The following ROBO2 variants were observed in gnomAD, a reference collection of about 807,000 sequenced individuals.
ROBO2 encodes roundabout guidance receptor 2.
In ROBO2, 53 loss-of-function variants were observed where a neutral mutation model predicts 160.8. That is an observed-to-expected ratio of 0.33 (90% CI 0.26 to 0.41). The LOEUF (loss-of-function observed/expected upper bound fraction) is 0.41. Among genes scored for constraint, ROBO2 ranks in the 10% least tolerant of loss-of-function variants. ROBO2 has a pLI of 1.00. For synonymous variants in ROBO2, 664 were observed against 611.7 expected, an observed-to-expected ratio of 1.09 and a Z score of -1.26; for missense variants, 1,577 against 1,722.4, an observed-to-expected ratio of 0.92 and a Z score of 1.49.
intron 2 of ROBO2, among the ~76,000 whole-genome samples, chr3:76,808,558 G>A (rs1003067228): frequency 5.9e-5 from 9 of 152,074 alleles, no homozygotes; most frequent in Admixed American, 1.3e-4. Context: ...ATAAGAGCCC[G>A]TCTTACTGAC....
At chr3:76,273,409 G>C (rs761343861) in intron 2 of ROBO2, among the ~76,000 whole-genome samples, 5 of 151,846 alleles carry the variant, frequency 3.3e-5, no homozygotes, top group Non-Finnish European at 5.9e-5. Flanking sequence ...AACACGGAGT[G>C]GGTGTATTAG....
chr3:76,241,781 A>C (rs1705301972), intron 2 of ROBO2, among the ~76,000 whole-genome samples: 1 of 152,210 alleles, frequency 6.6e-6, no homozygotes, highest in African/African-American at 2.4e-5. Context: ...ATGATTATAC[A>C]TTTCCAGGAG....
intron 2 of ROBO2, among the ~76,000 whole-genome samples, chr3:76,733,198 C>G (rs773358361): frequency 1.3e-5 from 2 of 152,018 alleles, no homozygotes; most frequent in Non-Finnish European, 2.9e-5. Flanking sequence ...TGTGTCCCTG[C>G]CCAGAAGGAA....
chr3:76,033,191 A>G (rs929739160), intron 2 of ROBO2, among the ~76,000 whole-genome samples: 2 of 152,050 alleles, frequency 1.3e-5, no homozygotes, highest in African/African-American at 4.8e-5. Flanking sequence ...TGGTTGGGAC[A>G]TAACTTCTAA....
At chr3:76,486,356 T>G (rs2324542) in intron 2 of ROBO2, among the ~76,000 whole-genome samples, 39,669 of 151,984 alleles carry the variant, frequency 0.26, 6,331 homozygotes, top group African/African-American at 0.43. Flanking sequence ...TATGTCACTT[T>G]CTAGGCTAAT....
At chr3:76,058,589 C>CCTTTTTTT (rs2067940820) in intron 2 of ROBO2, among the ~76,000 whole-genome samples, 1 of 48,860 alleles carries the variant, frequency 2.0e-5, no homozygotes, top group Non-Finnish European at 3.4e-5. Flanking sequence ...ACAGCAGAAA[C>CCTTTTTTT]TTTTTTTTTT....
At chr3:77,098,134 C>T in exon 2 of ROBO2, 3 of 1,614,208 alleles carry the variant, frequency 1.9e-6, no homozygotes, top group Non-Finnish European at 2.5e-6. Flanking sequence ...CCAACGCCCA[C>T]CATTGAGTGG....
intron 2 of ROBO2, among the ~76,000 whole-genome samples, chr3:76,774,010 T>G (rs547526821): frequency 6.6e-6 from 1 of 151,078 alleles, no homozygotes; most frequent in Non-Finnish European, 1.5e-5. Flanking sequence ...AATATGCTCC[T>G]TTTAAGAAGC....
At chr3:76,514,597 C>A (rs370395107) in intron 2 of ROBO2, among the ~76,000 whole-genome samples, 1 of 152,054 alleles carries the variant, frequency 6.6e-6, no homozygotes, top group African/African-American at 2.4e-5. Context: ...TCTCTGTTAT[C>A]GAAAAAATCC....
intron 2 of ROBO2, among the ~76,000 whole-genome samples, chr3:77,392,302 C>A (rs1238964007): frequency 6.6e-6 from 1 of 152,146 alleles, no homozygotes; most frequent in Non-Finnish European, 1.5e-5. Flanking sequence ...TTTGTGCAAA[C>A]TTTGTTTCTG....
At chr3:76,041,092 T>A (rs547995498) in intron 2 of ROBO2, among the ~76,000 whole-genome samples, 4 of 152,058 alleles carry the variant, frequency 2.6e-5, no homozygotes, top group African/African-American at 9.7e-5. Context: ...CAAACAATCT[T>A]TACTAGGATT....
Position 76,948,908 on chromosome 3 carries a change from ATTTTTTTTT to A in ROBO2, c.110-149092_110-149084del, listed in dbSNP as rs1157110855. On this transcript the variant is annotated intron_variant, in intron 2 of 26. Transcript: ENST00000487694. ...TATATATATATATATATATATATAT[ATTTTTTTTT>A]TTTTTTTTTTTTTAGTAGAGATGGG... 1.1e-3 allele frequency among the ~76,000 whole-genome samples: 28 copies of A among 24,962 alleles called. 1 individual carries two copies. The highest frequency in any genetic ancestry group is 4.6e-3 in the African/African-American group (25 of 5,432). 16.4% of individuals were successfully genotyped at this position (24,962 alleles called of 152,430 possible).
chr3:76,285,581 G>A (rs1398778374), intron 2 of ROBO2, among the ~76,000 whole-genome samples: 3 of 151,890 alleles, frequency 2.0e-5, no homozygotes, highest in Admixed American at 1.3e-4. Context: ...TTTTAAAATC[G>A]AATGTTCTTT....
At chr3:76,708,379 G>A (rs76082790) in intron 2 of ROBO2, among the ~76,000 whole-genome samples, 385 of 152,288 alleles carry the variant, frequency 2.5e-3, no homozygotes, top group African/African-American at 7.2e-3. Context: ...AAAGAACATG[G>A]CAGAATTCAC....
At chr3:76,438,410 TCACACACACACACA>T (rs35326545) in intron 2 of ROBO2, among the ~76,000 whole-genome samples, 1 of 146,204 alleles carries the variant, frequency 6.8e-6, no homozygotes, top group African/African-American at 2.5e-5. Context: ...TGTAATCAGT[TCACACACACACACA>T]CACACACACA....
intron 2 of ROBO2, among the ~76,000 whole-genome samples, chr3:76,272,552 A>G (rs1165886307): frequency 1.3e-5 from 2 of 150,154 alleles, no homozygotes; most frequent in African/African-American, 4.9e-5. Flanking sequence ...AATCCCAGCT[A>G]CTTGGGAGGC....
At chr3:76,865,978 A>G (rs1488735338) in intron 2 of ROBO2, among the ~76,000 whole-genome samples, 1 of 152,110 alleles carries the variant, frequency 6.6e-6, no homozygotes, top group African/African-American at 2.4e-5. Flanking sequence ...GTTTAAGTAT[A>G]AGAGAGCTTT....
At chr3:77,491,354 G>C (rs995995086) in intron 4 of ROBO2, among the ~76,000 whole-genome samples, 8 of 152,318 alleles carry the variant, frequency 5.3e-5, no homozygotes, top group African/African-American at 1.9e-4. Context: ...AATATCAATA[G>C]TGTCTCAAAC....
intron 2 of ROBO2, among the ~76,000 whole-genome samples, chr3:77,330,453 G>A (rs948203713): frequency 1.3e-5 from 2 of 152,208 alleles, no homozygotes; most frequent in Non-Finnish European, 2.9e-5. Flanking sequence ...GGGAGGTGGA[G>A]GTTGCTTTCA....
Sources: allele counts gnomAD v4.1 joint callset (sites outside exome capture counted in the v4.1 genomes callset), GRCh38; gene constraint gnomAD v4.1.1; transcripts MANE v1.5; gene names NCBI Gene and HGNC (gene_info 2026-07-23, HGNC 2026-07-21).